The following ULK4 variants were observed in gnomAD, a reference collection of about 807,000 sequenced individuals.
The protein encoded by ULK4 is inactive serine/threonine-protein kinase ULK4.
In ULK4, 133 loss-of-function variants were observed where a neutral mutation model predicts 160.6. The ratio of observed to expected loss-of-function variants is 0.83; its 90% CI spans 0.72 to 0.96. The LOEUF is 0.96. Ranked by LOEUF, ULK4 falls within the 40% of genes least tolerant of loss-of-function variation. The pLI is 0.00. For synonymous variants in ULK4, 534 were observed against 539.8 expected (o/e 0.99, Z 0.15); for missense variants, 1,580 against 1,499.5 (o/e 1.05, Z -0.89).
chr3:41,887,289 T>C (rs1575887984), intron 16 of ULK4, among the ~76,000 whole-genome samples: 1 of 152,244 alleles, frequency 6.6e-6, no homozygotes, highest in Non-Finnish European at 1.5e-5. Context: ...ATAATCCACA[T>C]GCAGAAATTA....
At chr3:41,430,479 A>AC (rs1314858143) in intron 34 of ULK4, among the ~76,000 whole-genome samples, 2 of 152,194 alleles carry the variant, frequency 1.3e-5, no homozygotes, top group East Asian at 3.8e-4. Flanking sequence ...GCAAGGCGCC[A>AC]CAGGAGACTC....
chr3:41,486,733 A>C (rs1218029050), intron 32 of ULK4, among the ~76,000 whole-genome samples: 1 of 152,202 alleles, frequency 6.6e-6, no homozygotes, highest in Non-Finnish European at 1.5e-5. Context: ...CAATTTCTGC[A>C]GAGGTTGTGG....
intron 31 of ULK4, among the ~76,000 whole-genome samples, chr3:41,600,352 C>T (rs1232921637): frequency 2.0e-5 from 3 of 152,174 alleles, no homozygotes; most frequent in Admixed American, 2.0e-4. Context: ...TGACACAAAA[C>T]AAATGTACAA....
chr3:41,675,573 G>A (rs948845972), intron 29 of ULK4, among the ~76,000 whole-genome samples: 1 of 152,148 alleles, frequency 6.6e-6, no homozygotes, highest in African/African-American at 2.4e-5. Flanking sequence ...CTGGGTGACA[G>A]AGGGAGACTC....
intron 19 of ULK4, among the ~76,000 whole-genome samples, chr3:41,818,616 T>C (rs1210304000): frequency 6.6e-6 from 1 of 152,228 alleles, no homozygotes; most frequent in Non-Finnish European, 1.5e-5. Context: ...CAAACTTTTC[T>C]TCTGGATCAC....
intron 19 of ULK4, among the ~76,000 whole-genome samples, chr3:41,810,072 C>G (rs2040773101): frequency 6.6e-6 from 1 of 152,132 alleles, no homozygotes; most frequent in Non-Finnish European, 1.5e-5. Flanking sequence ...AGGTCTAATT[C>G]TTTATAGTTA....
chr3:41,902,588 GAA>G (rs537842940), intron 12 of ULK4, among the ~76,000 whole-genome samples: 1,130 of 94,774 alleles, frequency 0.012, 6 homozygotes, highest in African/African-American at 0.034. Flanking sequence ...AAAAAAAAAA[GAA>G]AAAAAAAAAA....
intron 30 of ULK4, among the ~76,000 whole-genome samples, chr3:41,633,776 T>C (rs987743262): frequency 3.9e-5 from 6 of 152,118 alleles, no homozygotes; most frequent in African/African-American, 1.2e-4. Flanking sequence ...ACTGAATGCA[T>C]GAGGGGAGAG....
intron 34 of ULK4, among the ~76,000 whole-genome samples, chr3:41,421,746 T>C (rs759501369): frequency 1.3e-5 from 2 of 152,194 alleles, no homozygotes; most frequent in Non-Finnish European, 2.9e-5. Context: ...AAGTAGGTTA[T>C]GGTATGAGAC....
chr3:41,311,960 A>G (rs1268753789), intron 35 of ULK4, among the ~76,000 whole-genome samples: 1 of 147,242 alleles, frequency 6.8e-6, no homozygotes, highest in South Asian at 2.2e-4. Flanking sequence ...TCTAACACAC[A>G]TTTATTTTAT....
At chr3:41,767,552 T>C (rs938413023) in intron 21 of ULK4, among the ~76,000 whole-genome samples, 11 of 152,134 alleles carry the variant, frequency 7.2e-5, no homozygotes, top group African/African-American at 2.7e-4. Context: ...CCCTCAATTA[T>C]CCAACAGTTA....
intron 18 of ULK4, among the ~76,000 whole-genome samples, chr3:41,832,795 G>C (rs150128271): frequency 3.3e-4 from 51 of 152,272 alleles, no homozygotes; most frequent in Non-Finnish European, 6.3e-4. Context: ...ATTAAATAGG[G>C]AACCTTTCCC....
chr3:41,596,773 G>A (rs1276799493), intron 31 of ULK4, among the ~76,000 whole-genome samples: 2 of 152,162 alleles, frequency 1.3e-5, no homozygotes, highest in Admixed American at 1.3e-4. Flanking sequence ...GAGGTACTGA[G>A]TGGCCAAAGT....
intron 2 of ULK4, among the ~76,000 whole-genome samples, chr3:41,944,185 G>A (rs1700044562): frequency 6.6e-6 from 1 of 152,230 alleles, no homozygotes; most frequent in African/African-American, 2.4e-5. Flanking sequence ...TCCAGCAACT[G>A]TGAAATGGCC....
chr3:41,278,354 C>T (rs1041344998), intron 35 of ULK4, among the ~76,000 whole-genome samples: 1 of 152,218 alleles, frequency 6.6e-6, no homozygotes, highest in African/African-American at 2.4e-5. Context: ...AGATTCCACC[C>T]CTGTGGGCAG....
intron 35 of ULK4, among the ~76,000 whole-genome samples, chr3:41,345,439 C>A (rs1189493800): frequency 6.6e-6 from 1 of 152,154 alleles, no homozygotes; most frequent in African/African-American, 2.4e-5. Flanking sequence ...GAATACTATG[C>A]AGCCATAAAA....
At chr3:41,954,176 TAAAAAAAAAA>T (rs11325222) in intron 2 of ULK4, among the ~76,000 whole-genome samples, 8 of 118,666 alleles carry the variant, frequency 6.7e-5, no homozygotes, top group Admixed American at 1.9e-4. Context: ...GACTCCGTCT[TAAAAAAAAAA>T]AAAAAAAAAG....
At chr3:41,477,116 A>G (rs1424658096) in intron 32 of ULK4, among the ~76,000 whole-genome samples, 2 of 152,218 alleles carry the variant, frequency 1.3e-5, no homozygotes, top group Non-Finnish European at 2.9e-5. Context: ...GCCAACATTC[A>G]TTAATTCAAA....
At chr3:41,277,052 A>G (rs1025292758) in intron 35 of ULK4, among the ~76,000 whole-genome samples, 2 of 152,330 alleles carry the variant, frequency 1.3e-5, no homozygotes, top group East Asian at 1.9e-4. Context: ...TTGAATCAGG[A>G]AGAACTAGAT....
Sources: allele counts gnomAD v4.1 joint callset (sites outside exome capture counted in the v4.1 genomes callset), GRCh38; gene constraint gnomAD v4.1.1; transcripts MANE v1.5; gene names NCBI Gene and HGNC (gene_info 2026-07-23, HGNC 2026-07-21).